ASTN2: variants seen among roughly 807,000 people sequenced by gnomAD.
ASTN2 encodes the protein astrotactin 2, also known as astrotactin-2.
ASTN2 carries 54 observed loss-of-function variants against 139.8 expected under a neutral mutation model. The ratio of observed to expected loss-of-function variants is 0.39; its 90% CI spans 0.31 to 0.48. The LOEUF (loss-of-function observed/expected upper bound fraction) is 0.48, where lower values mean the gene tolerates loss of function less well. ASTN2 is among the 20% of genes least tolerant of loss of function. ASTN2 has a pLI of 0.95. For synonymous variants in ASTN2, 756 were observed against 719.5 expected (o/e 1.05, Z -0.81); for missense variants, 1,565 against 1,725.1 (o/e 0.91, Z 1.64).
At chr9:117,325,166 C>A (rs1403964776) in intron 1 of ASTN2, among the ~76,000 whole-genome samples, 1 of 152,150 alleles carries the variant, frequency 6.6e-6, no homozygotes, top group Non-Finnish European at 1.5e-5. Context: ...GAAGCATAGA[C>A]TTTTCACCCT....
intron 19 of ASTN2, among the ~76,000 whole-genome samples, chr9:116,548,801 G>A (rs1852215488): frequency 6.6e-6 from 1 of 152,100 alleles, no homozygotes; most frequent in South Asian, 2.1e-4. Flanking sequence ...ATGAACACCT[G>A]TGCCCCATCC....
At chr9:116,689,726 A>C (rs968179269) in intron 16 of ASTN2, among the ~76,000 whole-genome samples, 1 of 152,126 alleles carries the variant, frequency 6.6e-6, no homozygotes, top group African/African-American at 2.4e-5. Context: ...TGGGGGGTAA[A>C]TCTCTCTGAT....
At chr9:116,741,308 C>G (rs749715417) in intron 13 of ASTN2, among the ~76,000 whole-genome samples, 1 of 152,160 alleles carries the variant, frequency 6.6e-6, no homozygotes, top group Non-Finnish European at 1.5e-5. Flanking sequence ...GCAGTCTTTT[C>G]TTACTTGAGG....
intron 1 of ASTN2, among the ~76,000 whole-genome samples, chr9:117,320,619 AC>A (rs1352967274): frequency 1.3e-5 from 2 of 152,088 alleles, no homozygotes; most frequent in Non-Finnish European, 2.9e-5. Flanking sequence ...CCATAACATG[AC>A]TCTGCCCCTC....
At chr9:116,583,737 A>G (rs1345895119) in intron 19 of ASTN2, 1 of 152,156 alleles carries the variant, frequency 6.6e-6, no homozygotes, top group Non-Finnish European at 1.5e-5. Flanking sequence ...ACACACCTTG[A>G]GTCTGAAATG....
At chr9:117,180,383 C>T (rs1428562383) in intron 3 of ASTN2, among the ~76,000 whole-genome samples, 2 of 152,178 alleles carry the variant, frequency 1.3e-5, no homozygotes, top group Admixed American at 1.3e-4. Flanking sequence ...TCCCTGTTGC[C>T]TTGGGACCTT....
At chr9:116,914,703 GT>G (rs745765109) in intron 10 of ASTN2, among the ~76,000 whole-genome samples, 3 of 151,876 alleles carry the variant, frequency 2.0e-5, no homozygotes, top group Non-Finnish European at 4.4e-5. Context: ...CCAACCCTGG[GT>G]GGCAGGACCA....
At chr9:116,795,905 G>A (rs1339215180) in intron 13 of ASTN2, among the ~76,000 whole-genome samples, 1 of 152,190 alleles carries the variant, frequency 6.6e-6, no homozygotes, top group Non-Finnish European at 1.5e-5. Flanking sequence ...GATTACTGAA[G>A]TTAAGAAATT....
At chr9:117,397,356 T>C (rs1162620440) in intron 1 of ASTN2, among the ~76,000 whole-genome samples, 1 of 152,210 alleles carries the variant, frequency 6.6e-6, no homozygotes, top group Admixed American at 6.5e-5. Context: ...AAGTTGATTA[T>C]ACTATTTAAA....
chr9:117,201,805 T>C (rs1268871598), intron 3 of ASTN2, among the ~76,000 whole-genome samples: 1 of 152,190 alleles, frequency 6.6e-6, no homozygotes, highest in Non-Finnish European at 1.5e-5. Context: ...CTGAGAAGAA[T>C]GTATATTCTG....
At chr9:116,863,147 A>G (rs1832934655) in intron 11 of ASTN2, among the ~76,000 whole-genome samples, 1 of 152,130 alleles carries the variant, frequency 6.6e-6, no homozygotes, top group African/African-American at 2.4e-5. Flanking sequence ...CAACGTCCCA[A>G]GGAAGCCTTC....
intron 5 of ASTN2, among the ~76,000 whole-genome samples, chr9:117,079,907 G>A (rs1159496489): frequency 1.3e-5 from 2 of 152,252 alleles, no homozygotes; most frequent in African/African-American, 2.4e-5. Context: ...TGCTAAGTTT[G>A]TTGCTTTTAT....
intron 5 of ASTN2, among the ~76,000 whole-genome samples, chr9:117,056,399 C>T (rs540494569): frequency 1.4e-4 from 22 of 152,244 alleles, no homozygotes; most frequent in Admixed American, 3.9e-4. Context: ...GAAAACATTT[C>T]CCACACACAT....
chr9:116,451,008 C>T (rs1420778365), intron 20 of ASTN2, among the ~76,000 whole-genome samples: 1 of 152,130 alleles, frequency 6.6e-6, no homozygotes, highest in Admixed American at 6.5e-5. Flanking sequence ...ACACCAGCTC[C>T]CCACACTTGC....
intron 7 of ASTN2, among the ~76,000 whole-genome samples, chr9:117,003,061 C>T (rs917797132): frequency 2.0e-5 from 3 of 152,242 alleles, no homozygotes; most frequent in Non-Finnish European, 2.9e-5. Context: ...CAGAGGCATG[C>T]GAGGGCATGG....
intron 6 of ASTN2, among the ~76,000 whole-genome samples, chr9:117,016,616 CTATCTATCTATA>C (rs1312493615): frequency 0.29 from 12,440 of 42,392 alleles, 1,752 homozygotes; most frequent in Non-Finnish European, 0.32. Context: ...ATATCTATAT[CTATCTATCTATA>C]TATATATATA....
intron 10 of ASTN2, among the ~76,000 whole-genome samples, chr9:116,952,901 G>A (rs1835605864): frequency 6.6e-6 from 1 of 152,206 alleles, no homozygotes; most frequent in African/African-American, 2.4e-5. Context: ...GACCTGGGCT[G>A]TTGACATGTA....
At chr9:117,104,870 G>A (rs968588387) in intron 4 of ASTN2, among the ~76,000 whole-genome samples, 4 of 151,908 alleles carry the variant, frequency 2.6e-5, no homozygotes, top group Admixed American at 2.0e-4. Context: ...GACCTTTAAC[G>A]TAATATGGCC....
chr9:116,592,250 T>C (rs1473555015), intron 19 of ASTN2, among the ~76,000 whole-genome samples: 2 of 152,154 alleles, frequency 1.3e-5, no homozygotes, highest in African/African-American at 2.4e-5. Context: ...AGAGGTTTAA[T>C]TGGTTCACAG....
Sources: gnomAD v4.1 joint callset for allele counts (sites outside exome capture counted in the v4.1 genomes callset) on GRCh38, gnomAD v4.1.1 for gene constraint, MANE v1.5 for transcripts, NCBI Gene and HGNC (gene_info 2026-07-23, HGNC 2026-07-21) for gene names.